IQCE: variants seen among roughly 807,000 people sequenced by gnomAD.
IQCE encodes the protein IQ motif containing E, also known as IQ domain-containing protein E.
IQCE carries 115 observed loss-of-function variants against 96.0 expected under a neutral mutation model. The observed-to-expected ratio is 1.20, with a 90% CI of 1.03 to 1.40. The LOEUF is 1.40. Ranked by LOEUF, IQCE falls within the 40% of genes most tolerant of loss-of-function variation. The probability of loss-of-function intolerance (pLI) is 0.00; values close to 1 mark genes in which losing one functional copy is unlikely to be tolerated. For synonymous variants in IQCE, 412 were observed against 371.2 expected (o/e 1.11, Z -1.26); for missense variants, 1,041 against 909.1 (o/e 1.15, Z -1.87).
At chr7:2,574,873 T>C (rs1267437523) in intron 6 of IQCE, among the ~76,000 whole-genome samples, 1 of 152,114 alleles carries the variant, frequency 6.6e-6, no homozygotes, top group Non-Finnish European at 1.5e-5. Context: ...GTTGAGCCCG[T>C]TGTTTGTTGG....
At chr7:2,570,614 A>C (rs1228756188) in intron 3 of IQCE, among the ~76,000 whole-genome samples, 1 of 151,974 alleles carries the variant, frequency 6.6e-6, no homozygotes, top group Non-Finnish European at 1.5e-5. Flanking sequence ...ATTAGACTTA[A>C]ATTTTCAGAC....
chr7:2,602,923 C>T (rs980042050), intron 18 of IQCE, among the ~76,000 whole-genome samples: 2 of 152,230 alleles, frequency 1.3e-5, no homozygotes, highest in African/African-American at 2.4e-5. Flanking sequence ...GCGCCCTCCA[C>T]GAGCAGACAG....
At chr7:2,600,141 AATGTGTT>A (rs1784338010) in intron 17 of IQCE, among the ~76,000 whole-genome samples, 1 of 151,818 alleles carries the variant, frequency 6.6e-6, no homozygotes, top group Non-Finnish European at 1.5e-5. Flanking sequence ...TGGGCAGGCC[AATGTGTT>A]ACAGAACGTT....
intron 8 of IQCE, among the ~76,000 whole-genome samples, 179 bp downstream of exon 8, chr7:2,578,705 C>T (rs1782412033): frequency 6.6e-6 from 1 of 152,164 alleles, no homozygotes; most frequent in Admixed American, 6.5e-5. Flanking sequence ...GGGGGGCCAG[C>T]AGGCTCACCA....
At chr7:2,578,761 G>C (rs970298080) in intron 8 of IQCE, among the ~76,000 whole-genome samples, 1 of 152,186 alleles carries the variant, frequency 6.6e-6, no homozygotes, top group Non-Finnish European at 1.5e-5. Flanking sequence ...CACAACGGGC[G>C]ACTTCCCCCT....
At position 2,614,269 on chromosome 7, in the gene IQCE, A is replaced by G. The variant is rs1785212318; in HGVS notation, c.*4107A>G. 1 of 152,238 alleles carries G rather than the reference A, an allele frequency of 6.6e-6. No individual in the cohort carries two copies. Among genetic ancestry groups the G allele is most frequent in the African/African-American group, 2.4e-5 (1 of 41,466 alleles). The allele number at this position is 152,238 out of a possible 1,614,324, so 9.4% of individuals were successfully genotyped here. On this transcript the variant is annotated 3_prime_UTR_variant, in exon 22 of 22. Coordinates refer to ENST00000402050, the MANE Select transcript of IQCE (RefSeq NM_152558.5). ...ACCTTCAAGATCTGAATGAGATTCT[A>G]TTATAACCCGTCTAAACGATTGCAA... is the stretch of plus-strand genomic sequence containing the variant.
intron 8 of IQCE, among the ~76,000 whole-genome samples, chr7:2,580,485 G>T (rs909643497): frequency 1.3e-5 from 2 of 152,060 alleles, no homozygotes; most frequent in Non-Finnish European, 2.9e-5. Flanking sequence ...GATGGCGCGT[G>T]CCTGTAATCC....
intron 1 of IQCE, among the ~76,000 whole-genome samples, chr7:2,559,989 T>C (rs2128423033): frequency 6.6e-6 from 1 of 151,898 alleles, no homozygotes; most frequent in East Asian, 1.9e-4. Context: ...CAAGACCCCA[T>C]CTCTACAAAA....
chr7:2,573,279 A>T lies in IQCE; in HGVS notation c.395-139A>T, dbSNP rs545393242. 5.1e-6 allele frequency: 3 copies of T among 590,678 alleles called. No homozygotes were observed. The East Asian group carries it at 9.1e-5, about 18-fold the overall frequency. The allele number at this position is 590,678 out of a possible 1,614,324, so 36.6% of individuals were successfully genotyped here. ...AAGTATCATGATCAGGCTGGAAAAC[A>T]TGGAATTATTTTGGCTTTTTTATTT... On this transcript the variant is annotated intron_variant, in intron 5 of 21. Coordinates refer to ENST00000402050, the MANE Select transcript of IQCE (RefSeq NM_152558.5).
chr7:2,590,385 A>G (rs759314047), intron 14 of IQCE, among the ~76,000 whole-genome samples: 2 of 152,278 alleles, frequency 1.3e-5, no homozygotes, highest in Non-Finnish European at 2.9e-5. Flanking sequence ...AAAACTGTTC[A>G]GCTCGTAGTA....
chr7:2,566,942 T>G (rs951373101), intron 1 of IQCE, among the ~76,000 whole-genome samples, 174 bp from the exon 2 acceptor site: 1 of 152,232 alleles, frequency 6.6e-6, no homozygotes, highest in Non-Finnish European at 1.5e-5. Flanking sequence ...TTCCTTCTGA[T>G]GAGACTGAGG....
In IQCE at chr7:2,583,637, CA is replaced by C; in HGVS notation, c.705del (p.Lys235AsnfsTer6). On this transcript the variant is annotated frameshift_variant and splice_region_variant, in exon 10 of 22. Coordinates refer to ENST00000402050, the MANE Select transcript of IQCE (RefSeq NM_152558.5). LOFTEE classifies it high-confidence loss of function. ...QCKEKDGTIS[K>X]LQTDMKTTNL... ...ATTAACGCTGAACTTGGGTTTTCAG[CA>C]AACTCCAGACCGATATGAAGACTAC... 1.9e-6 allele frequency: 3 copies of C among 1,579,118 alleles called. No individual in the cohort carries two copies. The highest frequency in any genetic ancestry group is 2.6e-6 in the Non-Finnish European group (3 of 1,158,120).
intron 16 of IQCE, among the ~76,000 whole-genome samples, chr7:2,595,860 G>C (rs1455346627): frequency 2.0e-5 from 3 of 151,010 alleles, no homozygotes; most frequent in African/African-American, 7.3e-5. Flanking sequence ...GAGGGTCACA[G>C]CCATGCTCTG....
rs115808194 is a variant in IQCE at position 2,573,524 on chromosome 7, G to T, written c.465+36G>T. On this transcript the variant is annotated intron_variant, in intron 6 of 21. Transcript: ENST00000402050. ...GGTTTGTTCTCTATTGATTTGAAACGGTGAAAGCTTCCTATAACAATGTAT... is the reference window on the plus strand; with the variant it reads ...GGTTTGTTCTCTATTGATTTGAAACTGTGAAAGCTTCCTATAACAATGTAT... 9.2e-5 allele frequency: 103 copies of T among 1,120,404 alleles called. No homozygotes were observed. In the African/African-American group the frequency reaches 1.5e-3, roughly 17 times the overall value. 69.4% of individuals were successfully genotyped at this position (1,120,404 alleles called of 1,614,324 possible).
chr7:2,602,476 C>T (rs1057417768), intron 18 of IQCE, among the ~76,000 whole-genome samples: 2 of 152,202 alleles, frequency 1.3e-5, no homozygotes, highest in Non-Finnish European at 2.9e-5. Context: ...GGAGAGGACC[C>T]CGCCTCAGTC....
At chr7:2,604,433 C>T (rs1379421752) in intron 18 of IQCE, among the ~76,000 whole-genome samples, 1 of 152,208 alleles carries the variant, frequency 6.6e-6, no homozygotes, top group East Asian at 1.9e-4. Context: ...AAAATCATTT[C>T]AGGATAAATA....
chr7:2,559,084 AGG>A lies in IQCE; in HGVS notation c.-97_-96del, dbSNP rs1780717459. 1.5e-6 allele frequency: 1 copy of A among 648,248 alleles called. No homozygotes were observed. The highest frequency in any genetic ancestry group is 4.7e-5 in the Admixed American group (1 of 21,332). The allele number at this position is 648,248 out of a possible 1,614,324, so 40.2% of individuals were successfully genotyped here. A position where few individuals can be genotyped will look rare whatever the true frequency, so the allele number is the denominator to read the frequency against. ...CGGGGTCGCGGGCCGGCGCCAGGGAAGGCCCCGAGGCTGCGGGCGGCCAGGGC... is the reference window on the plus strand; with the variant it reads ...CGGGGTCGCGGGCCGGCGCCAGGGAACCCCGAGGCTGCGGGCGGCCAGGGC... On this transcript the variant is annotated 5_prime_UTR_variant, in exon 1 of 22. The change abolishes the stop of an existing upstream ORF in the 5' untranslated region. Transcript: ENST00000402050.
intron 1 of IQCE, among the ~76,000 whole-genome samples, chr7:2,561,158 A>G (rs1212001591): frequency 2.9e-5 from 3 of 102,206 alleles, no homozygotes; most frequent in African/African-American, 5.5e-5. Context: ...GGGTTTCACC[A>G]TGTTGGCCAG....
At chr7:2,589,652 A>G (rs1783421591) in intron 13 of IQCE, among the ~76,000 whole-genome samples, 1 of 152,068 alleles carries the variant, frequency 6.6e-6, no homozygotes, top group Non-Finnish European at 1.5e-5. Flanking sequence ...CTCTGTTTTA[A>G]TGACTTCTGC....
Sources: allele counts gnomAD v4.1 joint callset (sites outside exome capture counted in the v4.1 genomes callset), GRCh38; gene constraint gnomAD v4.1.1; transcripts MANE v1.5; gene names NCBI Gene and HGNC (gene_info 2026-07-23, HGNC 2026-07-21).